The following ANKRD26 variants were observed in gnomAD, a reference collection of about 807,000 sequenced individuals.
The protein encoded by ANKRD26 is ankyrin repeat domain-containing protein 26.
In ANKRD26, 141 loss-of-function variants were observed where a neutral mutation model predicts 208.7. The ratio of observed to expected loss-of-function variants is 0.68; its 90% CI spans 0.59 to 0.78. The LOEUF (loss-of-function observed/expected upper bound fraction) is 0.78. Ranked by LOEUF, ANKRD26 falls within the 30% of genes least tolerant of loss-of-function variation. ANKRD26 has a pLI of 0.00. For missense variants in ANKRD26, 1,889 were observed against 1,938.7 expected, an observed-to-expected ratio of 0.97 and a Z score of 0.48; for synonymous variants, 636 against 660.4, an observed-to-expected ratio of 0.96 and a Z score of 0.57.
intron 5 of ANKRD26, among the ~76,000 whole-genome samples, chr10:26,978,950 C>T (rs2052266619): frequency 6.6e-6 from 1 of 152,130 alleles, no homozygotes; most frequent in Non-Finnish European, 1.5e-5. Context: ...GGGCCGGGCG[C>T]GATGGCTCAA....
the ANKRD26 span, among the ~76,000 whole-genome samples, chr10:26,956,733 C>G: frequency 6.6e-6 from 1 of 152,146 alleles, no homozygotes; most frequent in African/African-American, 2.4e-5. Context: ...ATCAAGGTCC[C>G]TTTACCAAGA....
intron 23 of ANKRD26, among the ~76,000 whole-genome samples, 161 bp from the exon 24 acceptor site, chr10:27,035,913 A>G (rs528963944): frequency 6.6e-6 from 1 of 152,140 alleles, no homozygotes; most frequent in Non-Finnish European, 1.5e-5. Flanking sequence ...CAAACCGTAT[A>G]GAGCATAAAC....
intron 16 of ANKRD26, chr10:27,051,553 C>T (rs1396695918): frequency 3.0e-6 from 3 of 984,922 alleles, no homozygotes; most frequent in Non-Finnish European, 3.6e-6. Context: ...TAAAAATTCT[C>T]ATCTGTGTTA....
At chr10:26,953,213 C>T in the ANKRD26 span, among the ~76,000 whole-genome samples, 1 of 151,994 alleles carries the variant, frequency 6.6e-6, no homozygotes, top group Non-Finnish European at 1.5e-5. Context: ...TCATTTGAGG[C>T]CGGGATATCG....
intron 12 of ANKRD26, 85 bp downstream of exon 12, chr10:27,063,903 T>C: frequency 9.0e-7 from 1 of 1,111,124 alleles, no homozygotes. Flanking sequence ...GGTGATTTTC[T>C]TCGGCTATTA....
downstream of ANKRD26, among the ~76,000 whole-genome samples, chr10:26,987,443 G>A (rs1046267714): frequency 4.9e-4 from 74 of 152,162 alleles, no homozygotes; most frequent in African/African-American, 1.8e-3. Flanking sequence ...CACTTGAGGT[G>A]ATCTGGCTTG....
chr10:26,958,313 T>C, the ANKRD26 span, among the ~76,000 whole-genome samples: 2 of 152,148 alleles, frequency 1.3e-5, no homozygotes, highest in African/African-American at 2.4e-5. Context: ...TTCGAACTCC[T>C]GACCTCAAGT....
At chr10:27,030,011 A>G (rs916799631) in intron 25 of ANKRD26, among the ~76,000 whole-genome samples, 1 of 152,258 alleles carries the variant, frequency 6.6e-6, no homozygotes, top group Admixed American at 6.5e-5. Context: ...TGGGATGGTA[A>G]GAAGATTCAG....
the ANKRD26 span, among the ~76,000 whole-genome samples, chr10:26,948,453 T>G: frequency 6.6e-6 from 1 of 152,358 alleles, no homozygotes; most frequent in Middle Eastern, 3.4e-3. Flanking sequence ...AGAATTATTC[T>G]ATCACTATAC....
intron 9 of ANKRD26, among the ~76,000 whole-genome samples, chr10:27,071,598 G>A (rs1331344650): frequency 6.6e-6 from 1 of 152,018 alleles, no homozygotes; most frequent in African/African-American, 2.4e-5. Context: ...AAAATAGTGT[G>A]TAGGGATTTG....
chr10:27,016,574 G>A (rs1187354794), intron 30 of ANKRD26, among the ~76,000 whole-genome samples: 1 of 127,918 alleles, frequency 7.8e-6, no homozygotes, highest in Non-Finnish European at 1.8e-5. Flanking sequence ...ACCGTGCCCA[G>A]CTTTGTTTTT....
intron 30 of ANKRD26, among the ~76,000 whole-genome samples, chr10:27,015,122 A>AT (rs1162838023): frequency 6.6e-6 from 1 of 152,244 alleles, no homozygotes; most frequent in Non-Finnish European, 1.5e-5. Context: ...TATAAAAATT[A>AT]TTTTTGTGTT....
chr10:27,012,980 A>T lies in ANKRD26; in HGVS notation c.4855T>A (p.Leu1619Ile). The T allele has an allele frequency of 6.2e-7, 1 of 1,614,012 alleles. No homozygotes were observed. The highest frequency in any genetic ancestry group is 1.1e-5 in the South Asian group (1 of 91,060). Reference protein sequence around the residue: ...PPCVGNLNNSLDLNRKLIPRE... With the variant: ...PPCVGNLNNSIDLNRKLIPRE... ...GGAATAAGTTTTCTGTTGAGATCTA[A>T]ACTATTATTAAGATTTCCCACACAA... Residue 1619 changes from leucine to isoleucine, a missense_variant, in exon 32 of 34, where the codon TTA becomes ATA. Transcript: ENST00000376087.
At chr10:27,010,382 T>C (rs2053056250) in intron 32 of ANKRD26, among the ~76,000 whole-genome samples, 1 of 152,244 alleles carries the variant, frequency 6.6e-6, no homozygotes, top group South Asian at 2.1e-4. Context: ...ACATTGCGTA[T>C]CTACATATTC....
chr10:27,002,423 C>T (rs1467079543), downstream of ANKRD26, among the ~76,000 whole-genome samples: 1 of 152,190 alleles, frequency 6.6e-6, no homozygotes, highest in Non-Finnish European at 1.5e-5. Flanking sequence ...TCCAGGTATT[C>T]TGGTTTCCTC....
At chr10:26,953,222 C>T in the ANKRD26 span, among the ~76,000 whole-genome samples, 3 of 151,952 alleles carry the variant, frequency 2.0e-5, no homozygotes, top group East Asian at 1.9e-4. Flanking sequence ...GCCGGGATAT[C>T]GAGACCAGCC....
downstream of ANKRD26, among the ~76,000 whole-genome samples, chr10:26,989,093 T>A (rs560909822): frequency 0.015 from 2,249 of 151,106 alleles, 22 homozygotes; most frequent in Non-Finnish European, 0.023. Flanking sequence ...GGGCAAGATA[T>A]TTTTTTTTCT....
intron 16 of ANKRD26, chr10:27,051,915 A>T: frequency 1.0e-6 from 1 of 985,314 alleles, no homozygotes; most frequent in Non-Finnish European, 1.2e-6. Context: ...ATTTGTGATG[A>T]GTTTTAAGTT....
At chr10:26,961,278 T>C in the ANKRD26 span, among the ~76,000 whole-genome samples, 1 of 150,906 alleles carries the variant, frequency 6.6e-6, no homozygotes, top group African/African-American at 2.4e-5. Context: ...AAAAGAAATA[T>C]AATACTTAAA....
Sources: gnomAD v4.1 joint callset for allele counts (sites outside exome capture counted in the v4.1 genomes callset) on GRCh38, gnomAD v4.1.1 for gene constraint, MANE v1.5 for transcripts, NCBI Gene and HGNC (gene_info 2026-07-23, HGNC 2026-07-21) for gene names.